The following PKD1 variants were observed in gnomAD, a reference collection of about 807,000 sequenced individuals.
PKD1 encodes the protein polycystin 1, transient receptor potential channel interacting.
PKD1 carries 81 observed loss-of-function variants against 361.7 expected under a neutral mutation model. The ratio of observed to expected loss-of-function variants is 0.22; its 90% CI spans 0.19 to 0.27. The LOEUF is 0.27. Among genes scored for constraint, PKD1 ranks in the 10% least tolerant of loss-of-function variants. The pLI, the probability that PKD1 is intolerant of heterozygous loss-of-function variation, is 1.00. For synonymous variants in PKD1, 3,615 were observed against 2,818.3 expected, an observed-to-expected ratio of 1.28 and a Z score of -8.95; for missense variants, 6,399 against 6,118.3, an observed-to-expected ratio of 1.05 and a Z score of -1.53.
chr16:2,109,116 C>G lies in PKD1; in HGVS notation c.6051G>C (p.Ser2017=). 1 of 1,602,796 alleles carries G rather than the reference C, an allele frequency of 6.2e-7. No individual in the cohort carries two copies. Among genetic ancestry groups the G allele is most frequent in the Middle Eastern group, 1.8e-4 (1 of 5,516 alleles). The change falls in exon 15 of 46, where the codon TCG becomes TCC. Residue 2017 remains serine, a synonymous_variant. Transcript: ENST00000262304. ...CGTCGCGGCCCGACAGGATGACCAG[C>G]GAGTCGCCCTGGACCTTCTGCAGCG... The part of the protein sequence containing the change: ...YFSLQKVQGD[S]LVILSGRDVT...
intron 26 of PKD1, among the ~76,000 whole-genome samples, chr16:2,101,644 G>A (rs910477354): frequency 6.6e-6 from 1 of 152,352 alleles, no homozygotes; most frequent in Non-Finnish European, 1.5e-5. Context: ...AAAACAAAAA[G>A]GGAATGCCAG....
intron 1 of PKD1, among the ~76,000 whole-genome samples, chr16:2,128,723 G>C (rs1013225575): frequency 6.6e-6 from 1 of 152,134 alleles, no homozygotes. Flanking sequence ...TTTTCTTTTT[G>C]AGACAGAGTT....
In PKD1 at chr16:2,102,842, G is replaced by A. The variant is rs536893844; in HGVS notation, c.8920C>T (p.Arg2974Trp). ...RPESLQGADH[R>W]PYTFFISPGS... The stretch of plus-strand genomic sequence containing the variant: ...GGGGAAATGAAGAAGGTGTAGGGCC[G>A]GTGGTCAGCACCCTGGAGTGACTCT... The change falls in exon 24 of 46, where the codon CGG becomes TGG. Residue 2974 changes from arginine to tryptophan, a missense_variant. Transcript: ENST00000262304. 1.4e-5 allele frequency: 23 copies of A among 1,593,902 alleles called. No individual in the cohort carries two copies. The highest frequency in any genetic ancestry group is 4.5e-5 in the East Asian group (2 of 44,262).
At chr16:2,092,282 G>C in intron 39 of PKD1, 94 bp from the exon 40 acceptor site, 1 of 1,388,292 alleles carries the variant, frequency 7.2e-7, no homozygotes, top group Non-Finnish European at 9.9e-7. Flanking sequence ...CTCTGGTTCG[G>C]CGCCACCCCA....
At position 2,103,636 on chromosome 16, in the gene PKD1, G is replaced by A. The variant is rs2092198592; in HGVS notation, c.8421C>T (p.Ser2807=). The stretch of plus-strand genomic sequence containing the variant: ...GGGCCCCGCTGAAAGCCTCGGGGAT[G>A]GAGAAGTGGCAGCCAGGCCCTGGGG... ...GGAPGPGCHF[S]IPEAFSGALA... The change falls in exon 23 of 46, where the codon TCC becomes TCT. Residue 2807 remains serine, a synonymous_variant. Transcript: ENST00000262304. 6.8e-6 allele frequency: 11 copies of A among 1,610,468 alleles called. No homozygotes were observed. The highest frequency in any genetic ancestry group is 8.5e-6 in the Non-Finnish European group (10 of 1,179,714).
In PKD1 at chr16:2,100,019, A is replaced by G; in HGVS notation, c.9765T>C (p.Arg3255=). 1.3e-6 allele frequency: 2 copies of G among 1,575,588 alleles called. No individual in the cohort carries two copies. The change falls in exon 29 of 46, where the codon CGT becomes CGC. Residue 3255 remains arginine (R), a synonymous_variant. Transcript: ENST00000262304. The surrounding 1 kb of genome is among the most constrained non-coding windows in gnomAD (Gnocchi z 4.4). Reference sequence around the variant, plus strand: ...GCCAGATGTGCTTGTCAAAGAAGCCACGCTGCAGCTCAGCCACCAGCAGGC... The same window carrying G: ...GCCAGATGTGCTTGTCAAAGAAGCCGCGCTGCAGCTCAGCCACCAGCAGGC... The part of the protein sequence containing the change: ...FRRLLVAELQ[R]GFFDKHIWLS...
chr16:2,113,413 G>A (rs2092571021), intron 11 of PKD1, 121 bp from the exon 12 acceptor site: 6 of 1,086,742 alleles, frequency 5.5e-6, no homozygotes, highest in Non-Finnish European at 8.1e-6. Flanking sequence ...GAGAGGAGGT[G>A]CCCGGGGCTC....
At chr16:2,122,872 G>A (rs2092743818) in intron 1 of PKD1, among the ~76,000 whole-genome samples, 1 of 152,204 alleles carries the variant, frequency 6.6e-6, no homozygotes, top group Non-Finnish European at 1.5e-5. Flanking sequence ...GAGGGGCACA[G>A]GCTCTCGCAC....
At chr16:2,123,514 C>A (rs1408402476) in intron 1 of PKD1, 2 of 456,462 alleles carry the variant, frequency 4.4e-6, no homozygotes, top group Non-Finnish European at 8.8e-6. Context: ...TTGCCATCGC[C>A]GTTCTGGGGG....
At chr16:2,101,983 G>A (rs1240128094) in intron 26 of PKD1, 78 bp downstream of exon 26, 45 of 876,590 alleles carry the variant, frequency 5.1e-5, no homozygotes, top group South Asian at 3.2e-4. Flanking sequence ...CGCCTGCGAC[G>A]AGACTCACTC....
In PKD1 at chr16:2,096,902, G is replaced by A. The variant is rs945150086; in HGVS notation, c.10499+246C>T. ...ACGTGGCCCCGGCCAGCCTCACACAGGAGCCTTTCTGCTCCTACAAAGCCC... is the reference window on the plus strand; with the variant it reads ...ACGTGGCCCCGGCCAGCCTCACACAAGAGCCTTTCTGCTCCTACAAAGCCC... On this transcript the variant is annotated intron_variant, in intron 34 of 45. Coordinates refer to ENST00000262304, the MANE Select transcript of PKD1 (RefSeq NM_001009944.3). 36 of 576,216 alleles carry A rather than the reference G, an allele frequency of 6.2e-5. No homozygotes were observed. The Middle Eastern group carries it at 1.4e-3, about 22-fold the overall frequency. 35.7% of individuals were successfully genotyped at this position (576,216 alleles called of 1,614,324 possible).
At chr16:2,103,074 G>C in intron 23 of PKD1, 104 bp from the exon 24 acceptor site, 1 of 1,357,718 alleles carries the variant, frequency 7.4e-7, no homozygotes, top group Non-Finnish European at 1.0e-6. Context: ...GGCCTGAAAG[G>C]CCATAGGAGC....
intron 37 of PKD1, 172 bp from the exon 38 acceptor site, chr16:2,093,265 G>A (rs901232215): frequency 7.2e-5 from 57 of 789,830 alleles, no homozygotes; most frequent in South Asian, 1.1e-4. Context: ...CACCCTGCCC[G>A]GAACCCCACC....
At position 2,108,197 on chromosome 16, in the gene PKD1, G is replaced by A. The variant is rs540360332; in HGVS notation, c.6915+55C>T. 4.6e-6 allele frequency: 7 copies of A among 1,531,896 alleles called. No homozygotes were observed. The Admixed American group carries it at 6.8e-5, about 15-fold the overall frequency. 94.9% of individuals were successfully genotyped at this position (1,531,896 alleles called of 1,614,324 possible). On this transcript the variant is annotated intron_variant, in intron 15 of 45. Coordinates refer to ENST00000262304, the MANE Select transcript of PKD1 (RefSeq NM_001009944.3). ...TGGTGGCAAGCTGGGTGTTCTCTGG[G>A]CTCATGGGTGTGGACGGGTGAGGGG... is the stretch of plus-strand genomic sequence containing the variant.
Position 2,114,604 on chromosome 16 carries a change from A to C in PKD1, c.2419T>G (p.Ser807Ala). The C allele has an allele frequency of 1.3e-6, 2 of 1,587,132 alleles. No homozygotes were observed. Among genetic ancestry groups the C allele is most frequent in the Non-Finnish European group, 1.7e-6 (2 of 1,175,590 alleles). The part of the protein sequence containing the change: ...EVRAEVGNGV[S>A]RHNLSCSFDV... The stretch of plus-strand genomic sequence containing the variant: ...AAGCTGCAGGAGAGGTTGTGCCTGG[A>C]CACGCCATTGCCCACCTCTGCCCGG... Residue 807 changes from serine (S) to alanine (A), a missense_variant, in exon 11 of 46, where the codon TCC becomes GCC. Ser to Ala is a moderately conservative substitution (Grantham distance 99, BLOSUM62 1). Coordinates refer to ENST00000262304, the MANE Select transcript of PKD1 (RefSeq NM_001009944.3).
In PKD1 at chr16:2,118,447, G is replaced by A. The variant is rs1381593674; in HGVS notation, c.545C>T (p.Ala182Val). The A allele has an allele frequency of 2.5e-6, 3 of 1,188,876 alleles. No homozygotes were observed. The highest frequency in any genetic ancestry group is 1.2e-6 in the Non-Finnish European group (1 of 830,492). The allele number at this position is 1,188,876 out of a possible 1,614,324, so 73.6% of individuals were successfully genotyped here. The change falls in exon 5 of 46, where the codon GCC (alanine) becomes GTC (valine). Residue 182 changes from alanine to valine, a missense_variant. By Grantham distance (64) the Ala-to-Val change is moderately conservative. Transcript: ENST00000262304. The surrounding 1 kb of genome is among the most constrained non-coding windows in gnomAD (Gnocchi z 6.0). ...LDSGCGEEYV[A>V]CLPDNSSGTV... is the part of the protein sequence containing the mutation. ...GCCTGAGCTGTTGTCAGGGAGGCAG[G>A]CGACATACTCCTCACCTAGAAGAGG...
In PKD1 at chr16:2,118,973, T is replaced by C; in HGVS notation, c.360-128A>G. On this transcript the variant is annotated intron_variant, in intron 3 of 45. Transcript: ENST00000262304. This position sits in a 1 kb window ranked among gnomAD's most constrained non-coding sequence, Gnocchi z 6.0. ...TCCCCTGCCCCAACCAAGCCGGCAC[T>C]GGGGGGCTCCAAGCAGGCAGTGAAC... 3.6e-6 allele frequency: 3 copies of C among 841,556 alleles called. No homozygotes were observed. The South Asian group carries it at 4.4e-5, about 12-fold the overall frequency. 52.1% of individuals were successfully genotyped at this position (841,556 alleles called of 1,614,324 possible).
chr16:2,112,304 G>A lies in PKD1; in HGVS notation c.3295+36C>T, dbSNP rs781189343. ...TGGGGGGACCCCGTGCTCAGAGCCT[G>A]AAAGGCAGTGGCCCCCTCACCCCCT... On this transcript the variant is annotated intron_variant, in intron 14 of 45. Coordinates refer to ENST00000262304, the MANE Select transcript of PKD1 (RefSeq NM_001009944.3). The A allele has an allele frequency of 2.6e-6, 4 of 1,566,220 alleles. No homozygotes were observed. In the African/African-American group the frequency reaches 4.1e-5, roughly 16 times the overall value.
chr16:2,092,180 G>C lies in PKD1; in HGVS notation c.11278C>G (p.Pro3760Ala). The C allele has an allele frequency of 6.2e-7, 1 of 1,603,132 alleles. No individual in the cohort carries two copies. The highest frequency in any genetic ancestry group is 1.3e-5 in the African/African-American group (1 of 74,678). The change falls in exon 40 of 46, where the codon CCA (proline) becomes GCA (alanine). Residue 3760 changes from proline to alanine, a missense_variant. Physicochemically the swap from Pro to Ala is conservative, Grantham distance 27 (BLOSUM62 -1). Transcript: ENST00000262304. ...RQVRLQEALY[P>A]DPPGPRVHTC... ...TGGACCCTGGGGCCGGGAGGGTCTG[G>C]GTAGAGTGCTGAAACACACAGAGCC...
Sources: gnomAD v4.1 joint callset for allele counts (sites outside exome capture counted in the v4.1 genomes callset) on GRCh38, gnomAD v4.1.1 for gene constraint, Gnocchi (gnomAD v3.1) non-coding constraint, MANE v1.5 for transcripts, NCBI Gene and HGNC (gene_info 2026-07-23, HGNC 2026-07-21) for gene names.